TCF4: variants seen among roughly 807,000 people sequenced by gnomAD.
TCF4 encodes transcription factor 4.
A neutral mutation model predicts 82.1 loss-of-function variants in TCF4; 3 were observed. That is an observed-to-expected ratio of 0.04 (90% confidence interval 0.02 to 0.09). TCF4 has a LOEUF of 0.09. TCF4 is among the 10% of genes least tolerant of loss of function. TCF4 has a pLI of 1.00. For synonymous variants in TCF4, 276 were observed against 309.6 expected (o/e 0.89, Z 1.14); for missense variants, 518 against 852.7 (o/e 0.61, Z 4.89).
chr18:55,531,605 A>G (rs619466), intron 3 of TCF4, among the ~76,000 whole-genome samples: 142,598 of 152,260 alleles, frequency 0.94, 66,879 homozygotes, highest in East Asian at 1. Flanking sequence ...GTATTTCACT[A>G]CTAATATTCA....
chr18:55,611,341 A>C (rs879536662), intron 2 of TCF4, among the ~76,000 whole-genome samples: 4 of 152,150 alleles, frequency 2.6e-5, no homozygotes, highest in Admixed American at 2.0e-4. Flanking sequence ...GTTGGGATCA[A>C]AGTTTTTCTA....
chr18:55,513,505 C>A (rs1425830836), intron 3 of TCF4, among the ~76,000 whole-genome samples: 1 of 151,380 alleles, frequency 6.6e-6, no homozygotes, highest in Non-Finnish European at 1.5e-5. Context: ...GTTTTCCTAA[C>A]CAATATCTAT....
chr18:55,333,565 G>A (rs1191597511), intron 8 of TCF4, among the ~76,000 whole-genome samples: 2 of 151,974 alleles, frequency 1.3e-5, no homozygotes, highest in African/African-American at 2.4e-5. Context: ...ATTTCAAATG[G>A]GGTCCAAAGA....
chr18:55,474,430 C>G (rs1057448698), intron 3 of TCF4, among the ~76,000 whole-genome samples: 15 of 152,298 alleles, frequency 9.8e-5, no homozygotes, highest in Admixed American at 8.5e-4. Context: ...CAATATTATA[C>G]CATGTTCATA....
upstream of TCF4, chr18:55,589,589 GGATA>G (rs2097679719): frequency 8.6e-6 from 9 of 1,042,420 alleles, no homozygotes; most frequent in Non-Finnish European, 9.2e-6. Context: ...AATGAACACA[GGATA>G]GTTATAATTT....
At chr18:55,321,028 G>A (rs1283248261) in intron 8 of TCF4, 2 of 152,640 alleles carry the variant, frequency 1.3e-5, no homozygotes, top group Non-Finnish European at 2.9e-5. Context: ...AATAACTTAT[G>A]ACAATACTGT....
chr18:55,279,726 T>A (rs1243498784), intron 8 of TCF4, 70 bp from the exon 9 acceptor site: 1 of 1,605,422 alleles, frequency 6.2e-7, no homozygotes. Context: ...CATTCTTATA[T>A]AAGAAGTAGG....
At chr18:55,447,959 T>C (rs1038211897) in intron 5 of TCF4, among the ~76,000 whole-genome samples, 7 of 135,174 alleles carry the variant, frequency 5.2e-5, no homozygotes, top group African/African-American at 1.7e-4. Context: ...TTACTTGTGA[T>C]GAACTTATAA....
In TCF4 at chr18:55,571,017, G is replaced by GGACACTA. The variant is rs2097460700; in HGVS notation, c.145+14256_145+14262dup. On this transcript the variant is annotated intron_variant, in intron 3 of 19. Transcript: ENST00000354452. The stretch of plus-strand genomic sequence containing the variant: ...CAGTAAGAATCTTTAAAAAACAACT[G>GGACACTA]GACACTATCCTGCCATGCTGGACTT... 2.6e-5 allele frequency among the ~76,000 whole-genome samples: 4 copies of GGACACTA among 151,916 alleles called. No homozygotes were observed. In the South Asian group the frequency reaches 6.2e-4, roughly 24 times the overall value.
At position 55,586,170 on chromosome 18, in the gene TCF4, G is replaced by T; in HGVS notation, c.73-818C>A. On this transcript the variant is annotated intron_variant, in intron 2 of 19. Transcript: ENST00000354452. ...AGGAGGAGGAGCAGCAGCAGCAGCA[G>T]CAGCAGCAGCAGCAGCAGCAGCAGC... is the stretch of plus-strand genomic sequence containing the variant. The T allele has an allele frequency of 4.8e-6, 2 of 418,378 alleles. 1 individual carries two copies. Among genetic ancestry groups the T allele is most frequent in the Non-Finnish European group, 6.5e-6 (2 of 306,772 alleles). The allele number at this position is 418,378 out of a possible 1,614,324, so 25.9% of individuals were successfully genotyped here.
chr18:55,465,305 T>C (rs961280988), intron 3 of TCF4, among the ~76,000 whole-genome samples: 3 of 151,972 alleles, frequency 2.0e-5, no homozygotes, highest in East Asian at 1.9e-4. Flanking sequence ...GAAGTAATCA[T>C]AGTATAATTA....
intron 5 of TCF4, among the ~76,000 whole-genome samples, chr18:55,447,556 C>T (rs905080434): frequency 2.0e-5 from 3 of 152,008 alleles, no homozygotes; most frequent in Non-Finnish European, 2.9e-5. Flanking sequence ...AATGACTGTA[C>T]GAACCAAAGA....
At chr18:55,447,169 G>A (rs1228008689) in intron 5 of TCF4, among the ~76,000 whole-genome samples, 2 of 151,998 alleles carry the variant, frequency 1.3e-5, no homozygotes, top group Admixed American at 6.5e-5. Context: ...AAATTAGCCA[G>A]GTGTGGTGGC....
intron 11 of TCF4, chr18:55,266,052 C>G (rs1464887295): frequency 2.6e-5 from 4 of 152,108 alleles, no homozygotes; most frequent in African/African-American, 9.7e-5. Context: ...GGGTCACACC[C>G]TGTGAATGTA....
intron 5 of TCF4, among the ~76,000 whole-genome samples, chr18:55,433,517 C>CAAATATA (rs2095256571): frequency 6.6e-6 from 1 of 152,198 alleles, no homozygotes; most frequent in South Asian, 2.1e-4. Flanking sequence ...GTTATGTGGA[C>CAAATATA]AAGTAAGCTT....
At position 55,254,599 on chromosome 18, in the gene TCF4, C is replaced by T. The variant is rs1325223617; in HGVS notation, c.1248G>A (p.Gly416=). The T allele has an allele frequency of 6.8e-6, 11 of 1,613,562 alleles. No homozygotes were observed. The highest frequency in any genetic ancestry group is 1.3e-5 in the African/African-American group (1 of 74,876). Residue 416 remains glycine, a synonymous_variant, in exon 15 of 20, where the codon GGG becomes GGA. Transcript: ENST00000354452. ...GPSTAMPGGH[G]DMHGIIGPSH... Reference sequence around the variant, plus strand: ...AAGGTCCAATGATTCCATGCATGTCCCCATGACCACCAGGCATAGCTGTGG... The same window carrying T: ...AAGGTCCAATGATTCCATGCATGTCTCCATGACCACCAGGCATAGCTGTGG...
chr18:55,398,754 A>G (rs545847101), intron 6 of TCF4, among the ~76,000 whole-genome samples: 1 of 152,362 alleles, frequency 6.6e-6, no homozygotes, highest in East Asian at 1.9e-4. Context: ...ACACTAGGTC[A>G]TTGCAATTTT....
upstream of TCF4, among the ~76,000 whole-genome samples, chr18:55,590,615 C>A (rs544722871): frequency 2.0e-5 from 3 of 152,322 alleles, no homozygotes; most frequent in African/African-American, 7.2e-5. Context: ...AATTCCTTTT[C>A]ATCTCTTAAT....
intron 3 of TCF4, among the ~76,000 whole-genome samples, chr18:55,484,623 C>T (rs2096489688): frequency 6.6e-6 from 1 of 152,194 alleles, no homozygotes; most frequent in African/African-American, 2.4e-5. Flanking sequence ...GCCTTGGAAA[C>T]CAGTCCTTGT....
Sources: allele counts gnomAD v4.1 joint callset (sites outside exome capture counted in the v4.1 genomes callset), GRCh38; gene constraint gnomAD v4.1.1; transcripts MANE v1.5; gene names NCBI Gene and HGNC (gene_info 2026-07-23, HGNC 2026-07-21).